The following FGF13 variants were observed in gnomAD, a reference collection of about 807,000 sequenced individuals.
FGF13 encodes fibroblast growth factor 13, also known as fibroblast growth factor homologous factor 2.
FGF13 carries 2 observed loss-of-function variants against 19.5 expected under a neutral mutation model. That is an observed-to-expected ratio of 0.10 (90% CI 0.04 to 0.32). The LOEUF is 0.32. FGF13 is among the 10% of genes least tolerant of loss of function. The probability of loss-of-function intolerance (pLI) is 1.00; values close to 1 mark genes in which losing one functional copy is unlikely to be tolerated. For missense variants in FGF13, 113 were observed against 192.7 expected (o/e 0.59, Z 2.45); for synonymous variants, 72 against 76.9 (o/e 0.94, Z 0.33).
chrX:139,158,640 A>G (rs1485569780), intron 1 of FGF13, among the ~76,000 whole-genome samples: 1 of 111,399 alleles, frequency 9.0e-6, no homozygotes, highest in Non-Finnish European at 1.9e-5. Context: ...AAATGACCTG[A>G]TGGAGGTGAA....
intron 1 of FGF13, among the ~76,000 whole-genome samples, chrX:139,185,010 A>G (rs1434484015): frequency 9.0e-6 from 1 of 111,657 alleles, no homozygotes; most frequent in Non-Finnish European, 1.9e-5. Flanking sequence ...TAGTTCACAT[A>G]CAGATGAAAC....
intron 1 of FGF13, among the ~76,000 whole-genome samples, chrX:138,965,770 C>G (rs180995185): frequency 1.4e-3 from 162 of 111,946 alleles, no homozygotes; most frequent in African/African-American, 5.1e-3. Flanking sequence ...GTGGCCTGTG[C>G]GACTACACAG....
intron 1 of FGF13, among the ~76,000 whole-genome samples, chrX:139,061,612 T>G (rs1268086332): frequency 9.0e-6 from 1 of 111,478 alleles, no homozygotes; most frequent in African/African-American, 3.3e-5. Context: ...AAACTTATTT[T>G]TTTTTAAAAT....
intron 3 of FGF13, among the ~76,000 whole-genome samples, chrX:138,820,084 A>C (rs2090988383): frequency 8.9e-6 from 1 of 112,080 alleles, no homozygotes; most frequent in South Asian, 3.7e-4. Context: ...ATTACAGAAA[A>C]AATGGTAGGT....
chrX:138,738,561 T>C (rs2090296867), intron 1 of FGF13, among the ~76,000 whole-genome samples: 1 of 111,648 alleles, frequency 9.0e-6, no homozygotes, highest in Non-Finnish European at 1.9e-5. Context: ...TCTCAGCTTG[T>C]TTTTCTCCGT....
In FGF13 at chrX:138,618,152, T is replaced by C. The variant is rs1024737344; in HGVS notation, c.*14698A>G. The C allele has an allele frequency of 7.2e-5, 8 of 111,805 alleles. No homozygotes were observed. The highest frequency in any genetic ancestry group is 2.3e-4 in the African/African-American group (7 of 30,697). 9.2% of individuals were successfully genotyped at this position (111,805 alleles called of 1,213,427 possible). On this transcript the variant is annotated 3_prime_UTR_variant, in exon 5 of 5. Transcript: ENST00000315930. ...CCACTCAAGTATGAGAGTACCTTTG[T>C]GGGAGTCTGGTAGTCCAGCTCACAG...
At chrX:138,702,187 A>T (rs1372263171) in intron 3 of FGF13, among the ~76,000 whole-genome samples, 35 of 110,441 alleles carry the variant, frequency 3.2e-4, no homozygotes, top group African/African-American at 1.1e-3. Context: ...TCAAATAAAT[A>T]AATAAATAAA....
At chrX:138,920,881 A>G (rs2091641343) in intron 1 of FGF13, among the ~76,000 whole-genome samples, 1 of 111,581 alleles carries the variant, frequency 9.0e-6, no homozygotes, top group Non-Finnish European at 1.9e-5. Flanking sequence ...ACTGGTATCA[A>G]TTTTAATGTA....
downstream of FGF13, among the ~76,000 whole-genome samples, chrX:138,854,443 T>C: frequency 9.0e-6 from 1 of 111,368 alleles, no homozygotes; most frequent in East Asian, 2.8e-4. Context: ...GACAAAAATA[T>C]CTATAAAAAG....
intron 1 of FGF13, among the ~76,000 whole-genome samples, chrX:139,122,241 A>G (rs893557836): frequency 1.4e-4 from 16 of 111,846 alleles, no homozygotes; most frequent in African/African-American, 3.9e-4. Flanking sequence ...TTAATACAAG[A>G]CCTCAATTCC....
At chrX:138,646,301 G>A (rs778685531) in intron 3 of FGF13, among the ~76,000 whole-genome samples, 5 of 112,037 alleles carry the variant, frequency 4.5e-5, no homozygotes, top group Non-Finnish European at 9.4e-5. Context: ...CTGGAACCTG[G>A]CATTAACACT....
intron 1 of FGF13, among the ~76,000 whole-genome samples, chrX:139,128,961 T>C (rs1293785697): frequency 2.7e-5 from 3 of 110,076 alleles, no homozygotes; most frequent in Non-Finnish European, 5.7e-5. Flanking sequence ...ACGGTTGGCA[T>C]AGCAACACTA....
Position 138,618,805 on chromosome X carries a change from G to T in FGF13, c.*14045C>A, listed in dbSNP as rs1055395124. 3 of 111,500 alleles carry T rather than the reference G, an allele frequency of 2.7e-5. No individual in the cohort carries two copies. The highest frequency in any genetic ancestry group is 6.5e-5 in the African/African-American group (2 of 30,651). 9.2% of individuals were successfully genotyped at this position (111,500 alleles called of 1,213,427 possible). ...AACAAATGGGAAACTCTCAGAATTTGGTTTGGTTTTATGAAATTAAGAAAA... is the reference window on the plus strand; with the variant it reads ...AACAAATGGGAAACTCTCAGAATTTTGTTTGGTTTTATGAAATTAAGAAAA... On this transcript the variant is annotated 3_prime_UTR_variant, in exon 5 of 5. Transcript: ENST00000315930.
chrX:138,992,625 T>C (rs1015724255), intron 1 of FGF13, among the ~76,000 whole-genome samples: 1 of 110,945 alleles, frequency 9.0e-6, no homozygotes, highest in East Asian at 2.8e-4. Context: ...AAATAAATAA[T>C]TGAATAAATA....
intron 1 of FGF13, among the ~76,000 whole-genome samples, chrX:138,906,759 A>G (rs922618403): frequency 9.0e-6 from 1 of 110,583 alleles, no homozygotes; most frequent in African/African-American, 3.3e-5. Flanking sequence ...TATAGCATGC[A>G]CCCTCAGCCT....
chrX:139,138,465 A>G (rs949994963), intron 1 of FGF13, among the ~76,000 whole-genome samples: 1 of 112,080 alleles, frequency 8.9e-6, no homozygotes, highest in African/African-American at 3.3e-5. Flanking sequence ...TTGCAGGTCC[A>G]CACTAGGCTC....
intron 1 of FGF13, among the ~76,000 whole-genome samples, chrX:138,945,654 T>C (rs5976229): frequency 9.0e-6 from 1 of 111,191 alleles, no homozygotes; most frequent in East Asian, 2.8e-4. Flanking sequence ...TGACTATGCA[T>C]GAACTAAAAA....
chrX:139,037,181 G>C (rs114277209), intron 1 of FGF13, among the ~76,000 whole-genome samples: 4,395 of 111,066 alleles, frequency 0.04, 194 homozygotes, highest in African/African-American at 0.14. Flanking sequence ...GAGGGAAAAG[G>C]ACACTGCATT....
chrX:138,921,659 C>T (rs778718569), intron 1 of FGF13, among the ~76,000 whole-genome samples: 51 of 111,244 alleles, frequency 4.6e-4, no homozygotes, highest in Non-Finnish European at 8.5e-4. Context: ...TTGTGATTTA[C>T]AAGAAGACAG....
Sources: allele counts gnomAD v4.1 joint callset (sites outside exome capture counted in the v4.1 genomes callset), GRCh38; gene constraint gnomAD v4.1.1; transcripts MANE v1.5; gene names NCBI Gene and HGNC (gene_info 2026-07-23, HGNC 2026-07-21).